The following SNX25 variants were observed in gnomAD, a reference collection of about 807,000 sequenced individuals.
The protein encoded by SNX25 is sorting nexin-25.
Under a neutral mutation model 113.7 loss-of-function variants are expected in SNX25, and 62 were observed. The ratio of observed to expected loss-of-function variants is 0.55; its 90% CI spans 0.44 to 0.67. The LOEUF is 0.67. Among genes scored for constraint, SNX25 ranks in the 30% least tolerant of loss-of-function variants. The pLI, the probability that SNX25 is intolerant of heterozygous loss-of-function variation, is 0.00. For missense variants in SNX25, 1,014 were observed against 1,161.0 expected, an observed-to-expected ratio of 0.87 and a Z score of 1.84; for synonymous variants, 421 against 436.2, an observed-to-expected ratio of 0.97 and a Z score of 0.43.
chr4:185,293,225 G>C (rs1752423637), intron 6 of SNX25, among the ~76,000 whole-genome samples: 1 of 152,132 alleles, frequency 6.6e-6, no homozygotes, highest in Non-Finnish European at 1.5e-5. Context: ...AGACAATTTG[G>C]CAGTTCCTCG....
intron 1 of SNX25, among the ~76,000 whole-genome samples, chr4:185,234,780 G>T (rs1450067460): frequency 6.6e-6 from 1 of 151,838 alleles, no homozygotes; most frequent in African/African-American, 2.4e-5. Flanking sequence ...GCACTTTTAT[G>T]TGCATATTAT....
intron 2 of SNX25, among the ~76,000 whole-genome samples, chr4:185,255,848 A>G (rs1746332760): frequency 6.6e-6 from 1 of 152,164 alleles, no homozygotes; most frequent in Non-Finnish European, 1.5e-5. Flanking sequence ...ACTGTGGTCT[A>G]TTTGTTTGTT....
intron 9 of SNX25, among the ~76,000 whole-genome samples, chr4:185,331,460 A>G (rs2095194471): frequency 6.6e-6 from 1 of 152,220 alleles, no homozygotes; most frequent in South Asian, 2.1e-4. Flanking sequence ...ATATCATTTT[A>G]TATAACTATT....
At chr4:185,228,512 TA>T (rs33960714) in intron 1 of SNX25, among the ~76,000 whole-genome samples, 99,762 of 151,970 alleles carry the variant, frequency 0.66, 32,855 homozygotes, top group East Asian at 0.75. Context: ...AGAACTATGA[TA>T]ACGTGTAGAG....
chr4:185,311,692 C>T (rs187163650), intron 7 of SNX25, among the ~76,000 whole-genome samples: 22 of 152,306 alleles, frequency 1.4e-4, no homozygotes, highest in Admixed American at 1.1e-3. Flanking sequence ...GATTTTCAGT[C>T]TCTTGATTCT....
chr4:185,250,400 C>A (rs1745470900), intron 2 of SNX25, among the ~76,000 whole-genome samples: 1 of 152,192 alleles, frequency 6.6e-6, no homozygotes, highest in Non-Finnish European at 1.5e-5. Context: ...ATGTGTAGTT[C>A]ACAGTTGGCA....
intron 1 of SNX25, among the ~76,000 whole-genome samples, chr4:185,235,827 G>A (rs913964185): frequency 3.3e-5 from 5 of 152,204 alleles, no homozygotes; most frequent in Admixed American, 1.3e-4. Flanking sequence ...TGAGCCCTGC[G>A]GAGACTGTCC....
At position 185,210,039 on chromosome 4, in the gene SNX25, C is replaced by A; in HGVS notation, c.213C>A (p.Leu71=). 1 of 983,792 alleles carries A rather than the reference C, an allele frequency of 1.0e-6. No homozygotes were observed. The highest frequency in any genetic ancestry group is 1.2e-6 in the Non-Finnish European group (1 of 829,404). 60.9% of individuals were successfully genotyped at this position (983,792 alleles called of 1,614,324 possible). A position where few individuals can be genotyped will look rare whatever the true frequency, so the allele number is the denominator to read the frequency against. Residue 71 remains leucine, a synonymous_variant, in exon 1 of 19, where the codon CTC becomes CTA. Transcript: ENST00000652585. The surrounding 1 kb of genome is among the most constrained non-coding windows in gnomAD (Gnocchi z 4.4). ...VAVAALAAVA[L]SFLGPGSGEA... ...TGGCCGCACTCGCCGCCGTGGCCCT[C>A]TCCTTCCTGGGGCCCGGCAGCGGGG...
chr4:185,205,745 C>A (rs190052945), upstream of SNX25, among the ~76,000 whole-genome samples: 183 of 152,330 alleles, frequency 1.2e-3, no homozygotes, highest in African/African-American at 4.2e-3. Flanking sequence ...AGAAGAATCG[C>A]TTGAACCCAG....
At chr4:185,209,303 A>T (rs902029030), upstream of SNX25, 1 of 152,274 alleles carries the variant, frequency 6.6e-6, no homozygotes, top group Non-Finnish European at 1.5e-5. The surrounding 1 kb of genome is among the most constrained non-coding windows in gnomAD (Gnocchi z 5.2). Context: ...TGATGAGCGG[A>T]GAGGGAGAAT....
At chr4:185,256,260 T>A (rs1746411787) in intron 2 of SNX25, among the ~76,000 whole-genome samples, 1 of 152,232 alleles carries the variant, frequency 6.6e-6, no homozygotes, top group Non-Finnish European at 1.5e-5. Flanking sequence ...ATCTTATCCC[T>A]ACAACTGAGG....
chr4:185,323,737 G>A lies in SNX25; in HGVS notation c.1686G>A (p.Glu562=). The stretch of plus-strand genomic sequence containing the variant: ...CATTTATTGTCAGTGACCTGTATGA[G>A]AAATTGTTGATAAAAGAGGAAGAAA... The part of the protein sequence containing the change: ...YPSFIVSDLY[E]KLLIKEEEKH... Residue 562 remains glutamate (E), a synonymous_variant, in exon 9 of 19, where the codon GAG becomes GAA. Transcript: ENST00000652585. 2 of 1,613,690 alleles carry A rather than the reference G, an allele frequency of 1.2e-6. No homozygotes were observed. Among genetic ancestry groups the A allele is most frequent in the Non-Finnish European group, 1.7e-6 (2 of 1,179,834 alleles).
chr4:185,353,411 T>C, intron 14 of SNX25, 74 bp from the exon 15 acceptor site: 1 of 1,156,930 alleles, frequency 8.6e-7, no homozygotes, highest in South Asian at 1.3e-5. Context: ...GAATTTACAC[T>C]TGAAGAGGGA....
At position 185,240,962 on chromosome 4, in the gene SNX25, C is replaced by T. The variant is rs1220695437; in HGVS notation, c.430-6332C>T. 3.9e-4 allele frequency among the ~76,000 whole-genome samples: 59 copies of T among 150,802 alleles called. 1 individual carries two copies. The highest frequency in any genetic ancestry group is 7.7e-4 in the Non-Finnish European group (52 of 67,570). On this transcript the variant is annotated intron_variant, in intron 1 of 18. Transcript: ENST00000652585. ...GCTTCTCACTTCCTAGATGGGATGG[C>T]GGCCGGGCAGAGACGCTCCTCACTT...
At chr4:185,268,720 G>T (rs944136399) in intron 5 of SNX25, among the ~76,000 whole-genome samples, 1 of 152,060 alleles carries the variant, frequency 6.6e-6, no homozygotes, top group African/African-American at 2.4e-5. Flanking sequence ...TTTCTGATTC[G>T]AATAAAGCAC....
At chr4:185,281,744 G>A (rs1009808687) in intron 5 of SNX25, among the ~76,000 whole-genome samples, 13 of 152,154 alleles carry the variant, frequency 8.5e-5, no homozygotes, top group South Asian at 4.1e-4. Flanking sequence ...AGCTGGGTGC[G>A]GTGGTTCATG....
At chr4:185,352,232 A>C (rs2095319138) in intron 14 of SNX25, among the ~76,000 whole-genome samples, 1 of 152,188 alleles carries the variant, frequency 6.6e-6, no homozygotes, top group Admixed American at 6.5e-5. Context: ...TCCTGTTCAC[A>C]CCACGGAGGC....
At chr4:185,324,688 A>C (rs538658901) in intron 9 of SNX25, among the ~76,000 whole-genome samples, 2 of 152,210 alleles carry the variant, frequency 1.3e-5, no homozygotes, top group Admixed American at 1.3e-4. Flanking sequence ...TACTGACTTC[A>C]GCTATTAGGC....
In SNX25 at chr4:185,351,496, T is replaced by C; in HGVS notation, c.2353T>C (p.Leu785=). Residue 785 remains leucine, a synonymous_variant, in exon 14 of 19, where the codon TTG becomes CTG. Transcript: ENST00000652585. The part of the protein sequence containing the change: ...LCQSEALYAF[L]SPSPDYLKVI... ...TCAGAGTGAAGCACTTTATGCCTTCTTGAGCCCTTCTCCTGACTACCTCAA... is the reference window on the plus strand; with the variant it reads ...TCAGAGTGAAGCACTTTATGCCTTCCTGAGCCCTTCTCCTGACTACCTCAA... 6.2e-7 allele frequency: 1 copy of C among 1,614,238 alleles called. No homozygotes were observed. Among genetic ancestry groups the C allele is most frequent in the Non-Finnish European group, 8.5e-7 (1 of 1,180,032 alleles).
Sources: gnomAD v4.1 joint callset for allele counts (sites outside exome capture counted in the v4.1 genomes callset) on GRCh38, gnomAD v4.1.1 for gene constraint, Gnocchi (gnomAD v3.1) non-coding constraint, MANE v1.5 for transcripts, NCBI Gene and HGNC (gene_info 2026-07-23, HGNC 2026-07-21) for gene names.